The following SYNE1 variants were observed in gnomAD, a reference collection of about 807,000 sequenced individuals.
SYNE1 encodes spectrin repeat containing nuclear envelope protein 1.
SYNE1 carries 616 observed loss-of-function variants against 1,111.0 expected under a neutral mutation model. The ratio of observed to expected loss-of-function variants is 0.55; its 90% CI spans 0.52 to 0.59. SYNE1 has a LOEUF of 0.59. Among genes scored for constraint, SYNE1 ranks in the 20% least tolerant of loss-of-function variants. The probability of loss-of-function intolerance (pLI) is 0.00; values close to 1 mark genes in which losing one functional copy is unlikely to be tolerated. For synonymous variants in SYNE1, 3,855 were observed against 3,825.8 expected, an observed-to-expected ratio of 1.01 and a Z score of -0.28; for missense variants, 10,006 against 10,417.0, an observed-to-expected ratio of 0.96 and a Z score of 1.72.
intron 24 of SYNE1, 101 bp downstream of exon 24, chr6:152,455,325 C>T (rs750723122): frequency 1.1e-4 from 142 of 1,327,098 alleles, no homozygotes; most frequent in Non-Finnish European, 1.3e-4. Flanking sequence ...CTCATCTGCC[C>T]GCTCTCCTTC....
chr6:152,167,912 C>A (rs771572424), intron 130 of SYNE1: 2 of 763,656 alleles, frequency 2.6e-6, no homozygotes, highest in Non-Finnish European at 4.9e-6. Context: ...TTGTCCAGCT[C>A]TGCATGCCCA....
intron 131 of SYNE1, among the ~76,000 whole-genome samples, chr6:152,157,555 G>A (rs1342864141): frequency 6.6e-6 from 1 of 152,184 alleles, no homozygotes; most frequent in Non-Finnish European, 1.5e-5. Flanking sequence ...AAAATAGCTA[G>A]AAGAGAGAAA....
chr6:152,585,182 GT>G (rs1414058894), intron 3 of SYNE1, among the ~76,000 whole-genome samples: 1 of 152,106 alleles, frequency 6.6e-6, no homozygotes, highest in Non-Finnish European at 1.5e-5. Flanking sequence ...AGAAGAACGT[GT>G]TTGCTTCTCT....
intron 36 of SYNE1, among the ~76,000 whole-genome samples, chr6:152,428,742 C>A (rs902455499): frequency 2.0e-5 from 3 of 152,122 alleles, no homozygotes; most frequent in Non-Finnish European, 2.9e-5. Flanking sequence ...CACATGTGCA[C>A]CCCCAAAAAC....
chr6:152,234,547 C>T (rs2083546318), intron 111 of SYNE1, 121 bp downstream of exon 111: 14 of 1,167,778 alleles, frequency 1.2e-5, no homozygotes, highest in Non-Finnish European at 1.7e-5. Flanking sequence ...ACTGCTTGGC[C>T]TCCCAAAGTG....
chr6:152,395,095 TTC>T (rs368210808), intron 51 of SYNE1, among the ~76,000 whole-genome samples: 42 of 149,484 alleles, frequency 2.8e-4, no homozygotes, highest in East Asian at 1.0e-3. Flanking sequence ...CACTCTTTTT[TTC>T]TTTTTTTTAT....
At chr6:152,215,349 A>G (rs987200165) in intron 121 of SYNE1, among the ~76,000 whole-genome samples, 4 of 152,170 alleles carry the variant, frequency 2.6e-5, no homozygotes, top group African/African-American at 9.7e-5. Flanking sequence ...ATTTACTTGT[A>G]TGGTTTATAC....
intron 117 of SYNE1, among the ~76,000 whole-genome samples, chr6:152,223,439 G>A (rs1006154242): frequency 6.6e-6 from 1 of 152,228 alleles, no homozygotes; most frequent in African/African-American, 2.4e-5. Context: ...GGCCAAGATG[G>A]TGAAACTCCA....
chr6:152,182,229 CTT>C (rs2068297028), intron 128 of SYNE1, among the ~76,000 whole-genome samples: 1 of 152,082 alleles, frequency 6.6e-6, no homozygotes, highest in South Asian at 2.1e-4. Context: ...ATATAATACT[CTT>C]GTGTTCATAG....
intron 21 of SYNE1, among the ~76,000 whole-genome samples, chr6:152,459,626 T>G (rs1223464348): frequency 6.6e-6 from 1 of 152,192 alleles, no homozygotes; most frequent in Non-Finnish European, 1.5e-5. Flanking sequence ...ACCTGCATTG[T>G]CTTAAAGATG....
intron 3 of SYNE1, among the ~76,000 whole-genome samples, chr6:152,603,403 C>T (rs950583775): frequency 1.3e-5 from 2 of 152,026 alleles, no homozygotes; most frequent in African/African-American, 2.4e-5. Context: ...CGATTTTAAA[C>T]GAAAATGCTA....
intron 137 of SYNE1, 146 bp downstream of exon 137, chr6:152,147,899 A>G (rs972673153): frequency 2.6e-6 from 2 of 758,868 alleles, no homozygotes; most frequent in African/African-American, 3.5e-5. Context: ...TTATAATCAC[A>G]TTCATATCTA....
chr6:152,434,189 A>T, intron 33 of SYNE1: 1 of 513,902 alleles, frequency 1.9e-6, no homozygotes, highest in South Asian at 2.3e-5. Context: ...CTGCACTTTG[A>T]ACAAAACATT....
At position 152,511,517 on chromosome 6, in the gene SYNE1, GT is replaced by G. The variant is rs139042013; in HGVS notation, c.310-415del. The G allele has an allele frequency of 2.6e-3, 3,914 of 1,533,780 alleles. 75 individuals are homozygous for G. The African/African-American group carries it at 0.047, about 18-fold the overall frequency. On this transcript the variant is annotated intron_variant, in intron 6 of 145. Transcript: ENST00000367255. ...TGTTACCAAATAGCAGGTAACTTAT[GT>G]TCCCTTTTACCTATAAAAATCAGGA... is the stretch of plus-strand genomic sequence containing the variant.
intron 55 of SYNE1, 64 bp from the exon 56 acceptor site, chr6:152,381,426 A>C: frequency 1.9e-6 from 3 of 1,540,530 alleles, no homozygotes; most frequent in Non-Finnish European, 2.7e-6. Flanking sequence ...CAAGTTTTCA[A>C]CTGTGTACAC....
At chr6:152,395,483 A>T (rs779849917) in intron 51 of SYNE1, 33 bp downstream of exon 51, 70 of 1,599,378 alleles carry the variant, frequency 4.4e-5, no homozygotes, top group Non-Finnish European at 5.3e-5. Context: ...ACATGGTAAG[A>T]GGTAAAGGAC....
At chr6:152,276,030 CTTTTT>C (rs749642435) in intron 98 of SYNE1, among the ~76,000 whole-genome samples, 3 of 84,014 alleles carry the variant, frequency 3.6e-5, no homozygotes, top group Non-Finnish European at 6.8e-5. Flanking sequence ...TTCTCGACTT[CTTTTT>C]TTTTTTTTTT....
At chr6:152,418,288 T>C (rs190597976) in intron 40 of SYNE1, among the ~76,000 whole-genome samples, 1 of 152,310 alleles carries the variant, frequency 6.6e-6, no homozygotes, top group African/African-American at 2.4e-5. Flanking sequence ...CTTTGAAATG[T>C]AATCATCAGG....
chr6:152,240,832 C>T (rs574600005), intron 107 of SYNE1, among the ~76,000 whole-genome samples: 4 of 152,316 alleles, frequency 2.6e-5, no homozygotes, highest in African/African-American at 7.2e-5. Flanking sequence ...AACCCAAGGG[C>T]AGTGTGGCTT....
Sources: allele counts gnomAD v4.1 joint callset (sites outside exome capture counted in the v4.1 genomes callset), GRCh38; gene constraint gnomAD v4.1.1; transcripts MANE v1.5; gene names NCBI Gene and HGNC (gene_info 2026-07-23, HGNC 2026-07-21).